The following HMCN1 variants were observed in gnomAD, a reference collection of about 807,000 sequenced individuals.
HMCN1 encodes hemicentin-1.
A neutral mutation model predicts 625.9 loss-of-function variants in HMCN1; 321 were observed. That is an observed-to-expected ratio of 0.51 (90% CI 0.47 to 0.56). The LOEUF (loss-of-function observed/expected upper bound fraction) is 0.56. Among genes scored for constraint, HMCN1 ranks in the 20% least tolerant of loss-of-function variants. The pLI, the probability that HMCN1 is intolerant of heterozygous loss-of-function variation, is 0.00. For missense variants in HMCN1, 6,588 were observed against 6,887.3 expected, an observed-to-expected ratio of 0.96 and a Z score of 1.54; for synonymous variants, 2,425 against 2,417.6, an observed-to-expected ratio of 1.00 and a Z score of -0.09.
At chr1:185,818,933 C>A (rs1423605401) in intron 1 of HMCN1, among the ~76,000 whole-genome samples, 1 of 149,100 alleles carries the variant, frequency 6.7e-6, no homozygotes, top group Admixed American at 6.7e-5. Context: ...TGGCTGAAAT[C>A]AAACTATCTT....
At chr1:185,762,457 G>A (rs1655576753) in intron 1 of HMCN1, among the ~76,000 whole-genome samples, 1 of 152,104 alleles carries the variant, frequency 6.6e-6, no homozygotes, top group Admixed American at 6.6e-5. Context: ...CAAAACTTGT[G>A]GCTTGTGTTA....
chr1:186,005,565 A>G (rs994196632), intron 29 of HMCN1, among the ~76,000 whole-genome samples: 4 of 151,750 alleles, frequency 2.6e-5, no homozygotes, highest in African/African-American at 9.7e-5. Context: ...AATTGTTTAA[A>G]TTGTTTATAA....
intron 1 of HMCN1, among the ~76,000 whole-genome samples, chr1:185,780,265 T>C (rs1656969769): frequency 6.6e-6 from 1 of 152,220 alleles, no homozygotes; most frequent in Non-Finnish European, 1.5e-5. Flanking sequence ...GATGGGGTTT[T>C]CTAAATATAC....
intron 93 of HMCN1, 131 bp downstream of exon 93, chr1:186,146,054 G>T: frequency 1.1e-6 from 1 of 911,170 alleles, no homozygotes; most frequent in Non-Finnish European, 1.7e-6. Context: ...GTGCTTTCTT[G>T]CTCCTAATTG....
At chr1:185,796,483 G>A (rs920128962) in intron 1 of HMCN1, among the ~76,000 whole-genome samples, 5 of 152,068 alleles carry the variant, frequency 3.3e-5, no homozygotes, top group South Asian at 2.1e-4. Flanking sequence ...ATGTCCATGC[G>A]TACACATTAT....
chr1:185,964,064 AG>A (rs920861994), intron 13 of HMCN1, among the ~76,000 whole-genome samples, 169 bp downstream of exon 13: 8 of 152,188 alleles, frequency 5.3e-5, no homozygotes, highest in African/African-American at 1.9e-4. Context: ...TTAAGTTAAA[AG>A]TTCATAGAGT....
Position 185,925,172 on chromosome 1 carries a change from G to T in HMCN1, c.1411G>T (p.Gly471Ter). The T allele has an allele frequency of 3.1e-6, 5 of 1,613,742 alleles. No homozygotes were observed. The highest frequency in any genetic ancestry group is 4.2e-6 in the Non-Finnish European group (5 of 1,179,734). ...CTTTGTCAGAAATGGAGTTACACTT[G>T]GAGTAGACCAGTATTTGAAGTAGGT... is the stretch of plus-strand genomic sequence containing the variant. The part of the protein sequence containing the change: ...LSFVRNGVTL[G>*]VDQYLKESAS... Residue 471 changes from glycine to a stop codon, truncating the protein, a stop_gained, in exon 9 of 107, where the codon GGA becomes TGA. Coordinates refer to ENST00000271588, the MANE Select transcript of HMCN1 (RefSeq NM_031935.3). LOFTEE classifies it high-confidence loss of function.
intron 53 of HMCN1, among the ~76,000 whole-genome samples, chr1:186,075,727 T>C (rs190144508): frequency 3.9e-5 from 6 of 152,316 alleles, no homozygotes; most frequent in African/African-American, 1.4e-4. Context: ...ACCAGACTTC[T>C]ATTGTTGAAT....
Position 185,865,743 on chromosome 1 carries a change from C to A in HMCN1, c.501C>A (p.Val167=). ...LQLIQQKQSQ[V]VFVLTGDCDD... is the part of the protein sequence containing the mutation. ...TCTTTTTTTTTTTTTAATCATAGGT[C>A]GTATTTGTTCTGACTGGAGATTGTG... The change falls in exon 4 of 107, where the codon GTC becomes GTA. Residue 167 remains valine, a splice_region_variant and synonymous_variant. Transcript: ENST00000271588. The A allele has an allele frequency of 1.3e-6, 2 of 1,597,078 alleles. No individual in the cohort carries two copies. The highest frequency in any genetic ancestry group is 1.7e-6 in the Non-Finnish European group (2 of 1,171,174).
intron 4 of HMCN1, among the ~76,000 whole-genome samples, chr1:185,881,190 C>T (rs997763889): frequency 2.0e-5 from 3 of 152,224 alleles, no homozygotes; most frequent in Admixed American, 6.5e-5. Flanking sequence ...TTCATATTTG[C>T]ACTCATGGCT....
At chr1:186,012,110 G>A (rs1460394876) in intron 30 of HMCN1, among the ~76,000 whole-genome samples, 3 of 132,120 alleles carry the variant, frequency 2.3e-5, no homozygotes, top group Non-Finnish European at 5.3e-5. Context: ...TAACACTACT[G>A]GTTCAATGAC....
rs1359747749 is a variant in HMCN1 at position 186,087,107 on chromosome 1, T to C, written c.9047-110T>C. 4.0e-6 allele frequency: 3 copies of C among 749,318 alleles called. No homozygotes were observed. The East Asian group carries it at 7.9e-5, about 20-fold the overall frequency. The allele number at this position is 749,318 out of a possible 1,614,324, so 46.4% of individuals were successfully genotyped here. ...TATTTTAAATAGGAAGGCTTCTCTA[T>C]AAATTTTACTCTAAGGGGAAGGATA... On this transcript the variant is annotated intron_variant, in intron 58 of 106. Transcript: ENST00000271588.
At chr1:186,121,578 C>T (rs752740197) in intron 80 of HMCN1, among the ~76,000 whole-genome samples, 2 of 152,008 alleles carry the variant, frequency 1.3e-5, no homozygotes, top group African/African-American at 2.4e-5. Flanking sequence ...CATGTTGGAA[C>T]GCAAGGGGAA....
At chr1:185,870,457 A>G (rs1663540453) in intron 4 of HMCN1, among the ~76,000 whole-genome samples, 1 of 152,140 alleles carries the variant, frequency 6.6e-6, no homozygotes, top group Non-Finnish European at 1.5e-5. Context: ...CCGCCAACTC[A>G]TATCCTGTAA....
At chr1:186,000,277 A>T (rs1653090996) in intron 26 of HMCN1, 38 bp downstream of exon 26, 1 of 1,448,932 alleles carries the variant, frequency 6.9e-7, no homozygotes. Flanking sequence ...ACTGTTTGCC[A>T]GTCTCCAGTT....
chr1:186,153,106 G>C (rs1650777392), intron 96 of HMCN1, among the ~76,000 whole-genome samples: 1 of 152,142 alleles, frequency 6.6e-6, no homozygotes, highest in Non-Finnish European at 1.5e-5. Context: ...TTGATGTAAG[G>C]CATTTGTTTA....
At chr1:186,015,067 TA>T (rs970382520) in intron 30 of HMCN1, 91 bp from the exon 31 acceptor site, 1 of 1,138,918 alleles carries the variant, frequency 8.8e-7, no homozygotes, top group African/African-American at 1.5e-5. Flanking sequence ...TAATTTACTT[TA>T]AATGCATTGT....
intron 105 of HMCN1, among the ~76,000 whole-genome samples, chr1:186,186,479 A>T (rs1459220478): frequency 6.6e-6 from 1 of 152,160 alleles, no homozygotes; most frequent in Non-Finnish European, 1.5e-5. Context: ...ATGAGCTGAG[A>T]TTGCACCACT....
intron 64 of HMCN1, among the ~76,000 whole-genome samples, chr1:186,091,407 G>A (rs139310956): frequency 6.6e-6 from 1 of 152,062 alleles, no homozygotes; most frequent in Non-Finnish European, 1.5e-5. Flanking sequence ...TGTCATAACT[G>A]TTATAGTGGT....
Sources: gnomAD v4.1 joint callset for allele counts (sites outside exome capture counted in the v4.1 genomes callset) on GRCh38, gnomAD v4.1.1 for gene constraint, MANE v1.5 for transcripts, NCBI Gene and HGNC (gene_info 2026-07-23, HGNC 2026-07-21) for gene names.